Variants in FAF1 observed in about 807,000 individuals in gnomAD.
The protein encoded by FAF1 is FAS-associated factor 1.
A neutral mutation model predicts 92.5 loss-of-function variants in FAF1; 25 were observed. That is an observed-to-expected ratio of 0.27 (90% CI 0.20 to 0.38). The LOEUF is 0.38. Ranked by LOEUF, FAF1 falls within the 10% of genes least tolerant of loss-of-function variation. The probability of loss-of-function intolerance (pLI) is 1.00; values close to 1 mark genes in which losing one functional copy is unlikely to be tolerated. For synonymous variants in FAF1, 234 were observed against 273.2 expected (o/e 0.86, Z 1.42); for missense variants, 636 against 793.3 (o/e 0.80, Z 2.38).
chr1:50,825,716 G>C (rs1402940449), intron 2 of FAF1, among the ~76,000 whole-genome samples: 2 of 152,072 alleles, frequency 1.3e-5, no homozygotes, highest in Admixed American at 6.5e-5. Context: ...TCCAGACTAG[G>C]CATTCTTTTC....
chr1:50,844,875 A>C (rs1644285265), intron 2 of FAF1, among the ~76,000 whole-genome samples: 1 of 152,134 alleles, frequency 6.6e-6, no homozygotes, highest in Non-Finnish European at 1.5e-5. Context: ...TAAATGTTTG[A>C]AAGGCTGTGT....
chr1:50,453,432 C>T (rs1646316931), intron 18 of FAF1, among the ~76,000 whole-genome samples: 1 of 152,154 alleles, frequency 6.6e-6, no homozygotes, highest in Non-Finnish European at 1.5e-5. Flanking sequence ...AAAAGACTTG[C>T]CGGTGTGATT....
chr1:50,887,982 T>C lies in FAF1; in HGVS notation c.46-29985A>G, dbSNP rs1298033735. Among the ~76,000 whole-genome samples the C allele has an allele frequency of 2.0e-5, 3 of 152,332 alleles. 1 individual carries two copies. The highest frequency in any genetic ancestry group is 2.0e-4 in the Admixed American group (3 of 15,302). The stretch of plus-strand genomic sequence containing the variant: ...ATTACCTTGGGCAGTATGGCCATTT[T>C]CACGATATTGATTCTTCCTATCCAT... On this transcript the variant is annotated intron_variant, in intron 1 of 18. Transcript: ENST00000396153.
chr1:50,631,186 A>C (rs1569627598), intron 8 of FAF1, among the ~76,000 whole-genome samples: 1 of 152,136 alleles, frequency 6.6e-6, no homozygotes, highest in East Asian at 1.9e-4. Context: ...ATTGTTATGA[A>C]ATGGAACTCC....
At chr1:50,761,075 C>A (rs1660306501) in intron 4 of FAF1, among the ~76,000 whole-genome samples, 1 of 152,170 alleles carries the variant, frequency 6.6e-6, no homozygotes, top group African/African-American at 2.4e-5. Flanking sequence ...TGCAAATAAA[C>A]TAGAAAATCT....
In FAF1 at chr1:50,549,104, G is replaced by A. The variant is rs77557054; in HGVS notation, c.1269-9376C>T. Reference sequence around the variant, plus strand: ...AATCTCAGACTCAGATCACTAAACAGGAAGTTATTCTTTACACCATGCTTG... The same window carrying A: ...AATCTCAGACTCAGATCACTAAACAAGAAGTTATTCTTTACACCATGCTTG... On this transcript the variant is annotated intron_variant, in intron 13 of 18. Coordinates refer to ENST00000396153, the MANE Select transcript of FAF1 (RefSeq NM_007051.3). 3.4e-3 allele frequency among the ~76,000 whole-genome samples: 512 copies of A among 152,242 alleles called. 1 individual carries two copies. The highest frequency in any genetic ancestry group is 0.012 in the African/African-American group (498 of 41,542).
intron 8 of FAF1, among the ~76,000 whole-genome samples, chr1:50,606,326 A>C (rs1180708947): frequency 6.6e-6 from 1 of 152,158 alleles, no homozygotes; most frequent in Admixed American, 6.5e-5. Context: ...TACCAAAGAT[A>C]TCCAAATGAT....
chr1:50,774,253 ACT>A (rs1467716051), intron 4 of FAF1, among the ~76,000 whole-genome samples: 1 of 152,110 alleles, frequency 6.6e-6, no homozygotes, highest in Non-Finnish European at 1.5e-5. Context: ...CAAAATTGTC[ACT>A]CTTTCCTTCT....
chr1:50,683,738 G>A (rs944016884), intron 7 of FAF1, among the ~76,000 whole-genome samples: 2 of 151,914 alleles, frequency 1.3e-5, no homozygotes, highest in Non-Finnish European at 2.9e-5. Context: ...TTCGAGACCA[G>A]CCTGACCAAC....
In FAF1 at chr1:50,497,540, CTTTTTTTTTTTT is replaced by C. The variant is rs61258960; in HGVS notation, c.1495-5751_1495-5740del. On this transcript the variant is annotated intron_variant, in intron 15 of 18. Transcript: ENST00000396153. ...TTAATAGACTTTATTATTCAAAACT[CTTTTTTTTTTTT>C]TTTTTTTTTTTTTTGTGACGGAGTC... Among the ~76,000 whole-genome samples, 43 of 100,548 alleles carry C rather than the reference CTTTTTTTTTTTT, an allele frequency of 4.3e-4. No individual in the cohort carries two copies. The South Asian group carries it at 6.5e-3, about 15-fold the overall frequency. The allele number at this position is 100,548 out of a possible 152,430, so 66.0% of individuals were successfully genotyped here.
At chr1:50,951,281 T>C (rs553952519) in intron 1 of FAF1, among the ~76,000 whole-genome samples, 1 of 152,340 alleles carries the variant, frequency 6.6e-6, no homozygotes, top group African/African-American at 2.4e-5. Flanking sequence ...TATGACCTTG[T>C]ACAAGTCATT....
At chr1:50,638,355 G>A (rs918682509) in intron 8 of FAF1, among the ~76,000 whole-genome samples, 2 of 152,022 alleles carry the variant, frequency 1.3e-5, no homozygotes, top group East Asian at 1.9e-4. Flanking sequence ...TAGAACTTGC[G>A]CAAGTGAACA....
At chr1:50,750,946 TACAA>T (rs1374033242) in intron 4 of FAF1, among the ~76,000 whole-genome samples, 1 of 149,376 alleles carries the variant, frequency 6.7e-6, no homozygotes, top group East Asian at 2.0e-4. Context: ...TTTATATGCG[TACAA>T]ACAAATAGCT....
intron 12 of FAF1, among the ~76,000 whole-genome samples, chr1:50,571,424 G>A (rs1396162008): frequency 1.3e-5 from 2 of 152,154 alleles, no homozygotes; most frequent in Admixed American, 6.6e-5. Context: ...TGTAAGCATC[G>A]CAGATAATGT....
chr1:50,898,755 T>G (rs1202134884), intron 1 of FAF1, among the ~76,000 whole-genome samples: 2 of 152,188 alleles, frequency 1.3e-5, no homozygotes, highest in African/African-American at 4.8e-5. Flanking sequence ...TAACTTTGTG[T>G]ATATCTTTTC....
At chr1:50,883,559 C>T (rs2124691109) in intron 1 of FAF1, among the ~76,000 whole-genome samples, 1 of 152,272 alleles carries the variant, frequency 6.6e-6, no homozygotes, top group African/African-American at 2.4e-5. Context: ...AACTGAACAA[C>T]TCTAAAATGC....
intron 1 of FAF1, among the ~76,000 whole-genome samples, chr1:50,877,137 A>G (rs72904732): frequency 0.066 from 10,119 of 152,328 alleles, 414 homozygotes; most frequent in East Asian, 0.094. Flanking sequence ...GCGACAGCAC[A>G]GGTAGTGGGG....
rs561133687 is a variant in FAF1 at position 50,518,086 on chromosome 1, C to T, written c.1494+17283G>A. 1.6e-4 allele frequency among the ~76,000 whole-genome samples: 25 copies of T among 152,280 alleles called. 2 individuals are homozygous for T. In the South Asian group the frequency reaches 5.0e-3, roughly 30 times the overall value. ...CAGGATACGAAACAGTTTCATCATA[C>T]AAAAAATATCCCTTGTGGTATCCCT... is the stretch of plus-strand genomic sequence containing the variant. On this transcript the variant is annotated intron_variant, in intron 15 of 18. Transcript: ENST00000396153.
intron 18 of FAF1, 104 bp downstream of exon 18, chr1:50,475,360 T>A: frequency 1.2e-6 from 1 of 817,004 alleles, no homozygotes; most frequent in Non-Finnish European, 2.0e-6. Context: ...GTTTGTCTTG[T>A]AGTTGCCTGC....
Sources: allele counts gnomAD v4.1 joint callset (sites outside exome capture counted in the v4.1 genomes callset), GRCh38; gene constraint gnomAD v4.1.1; transcripts MANE v1.5; gene names NCBI Gene and HGNC (gene_info 2026-07-23, HGNC 2026-07-21).